Variants in CTNNA3 observed in about 807,000 individuals in gnomAD.
CTNNA3 encodes the protein catenin alpha-3.
CTNNA3 carries 76 observed loss-of-function variants against 95.7 expected under a neutral mutation model. The observed-to-expected ratio is 0.79, with a 90% CI of 0.66 to 0.96. The LOEUF (loss-of-function observed/expected upper bound fraction) is 0.96, where lower values mean the gene tolerates loss of function less well. Ranked by LOEUF, CTNNA3 falls within the 40% of genes least tolerant of loss-of-function variation. The pLI, the probability that CTNNA3 is intolerant of heterozygous loss-of-function variation, is 0.00. For missense variants in CTNNA3, 1,191 were observed against 1,089.8 expected (o/e 1.09, Z -1.31); for synonymous variants, 431 against 374.4 (o/e 1.15, Z -1.74).
chr10:66,469,041 G>C (rs544861291), intron 11 of CTNNA3, among the ~76,000 whole-genome samples: 1 of 151,656 alleles, frequency 6.6e-6, no homozygotes, highest in Non-Finnish European at 1.5e-5. Context: ...TAAAAACCTG[G>C]ATCCAATGCA....
chr10:66,508,589 A>T (rs996099230), intron 11 of CTNNA3, among the ~76,000 whole-genome samples: 24 of 151,980 alleles, frequency 1.6e-4, no homozygotes, highest in Admixed American at 6.6e-4. Flanking sequence ...TACTACTTTA[A>T]CTGTGGCTAT....
intron 15 of CTNNA3, among the ~76,000 whole-genome samples, chr10:66,064,462 C>T (rs2080273540): frequency 6.6e-6 from 1 of 152,092 alleles, no homozygotes; most frequent in African/African-American, 2.4e-5. Flanking sequence ...TTCATGGTGG[C>T]ATTTCTGATT....
chr10:66,398,727 A>T (rs1435622650), intron 11 of CTNNA3, among the ~76,000 whole-genome samples: 1 of 152,022 alleles, frequency 6.6e-6, no homozygotes, highest in Non-Finnish European at 1.5e-5. Context: ...TCTTTTACTC[A>T]ATTCAAGATC....
intron 11 of CTNNA3, among the ~76,000 whole-genome samples, chr10:66,438,543 C>G (rs777184488): frequency 6.6e-6 from 1 of 152,124 alleles, no homozygotes; most frequent in South Asian, 2.1e-4. Flanking sequence ...GTGGATGCCT[C>G]TCACCCACAC....
intron 7 of CTNNA3, among the ~76,000 whole-genome samples, chr10:67,135,733 A>T (rs1860269794): frequency 6.6e-6 from 1 of 152,148 alleles, no homozygotes; most frequent in African/African-American, 2.4e-5. Context: ...TAAGATGATC[A>T]TATATGCCCT....
Position 65,920,332 on chromosome 10 carries a change from A to C in CTNNA3, c.2686T>G (p.Ter896GlyextTer39). 1 of 1,612,922 alleles carries C rather than the reference A, an allele frequency of 6.2e-7. No individual in the cohort carries two copies. The highest frequency in any genetic ancestry group is 8.5e-7 in the Non-Finnish European group (1 of 1,179,480). ...MSEFRGRQIY* is the reference protein window; with the variant it reads ...MSEFRGRQIYG ...GCACTATATGTAGAATAGTGGTTTC[A>C]GTAGATTTGTCTTCCTCTAAATTCA... The change falls in exon 18 of 18, where the codon TGA becomes GGA. Residue 896 changes from the stop codon to glycine, a stop_lost. Coordinates refer to ENST00000433211, the MANE Select transcript of CTNNA3 (RefSeq NM_013266.4).
intron 5 of CTNNA3, among the ~76,000 whole-genome samples, chr10:67,458,833 T>A (rs1323139718): frequency 6.6e-6 from 1 of 152,178 alleles, no homozygotes; most frequent in East Asian, 1.9e-4. Flanking sequence ...ACCAGGTTCC[T>A]CGCTTAACAT....
chr10:67,432,894 A>C lies in CTNNA3; in HGVS notation c.579+88948T>G, dbSNP rs749169421. On this transcript the variant is annotated intron_variant, in intron 5 of 17. Coordinates refer to ENST00000433211, the MANE Select transcript of CTNNA3 (RefSeq NM_013266.4). ...TGATTTTGGCATCAGGGTGATGCTG[A>C]CTTTATAGACTGATTTGGGGAGTTT... 4.7e-4 allele frequency among the ~76,000 whole-genome samples: 72 copies of C among 151,980 alleles called. 1 individual carries two copies. The highest frequency in any genetic ancestry group is 1.3e-4 in the Admixed American group (2 of 15,214).
At chr10:66,625,279 T>G (rs1357673074) in intron 9 of CTNNA3, among the ~76,000 whole-genome samples, 1 of 152,176 alleles carries the variant, frequency 6.6e-6, no homozygotes, top group Non-Finnish European at 1.5e-5. Context: ...TTGCCCTATT[T>G]GGGCTCTAAA....
At chr10:66,627,695 G>T (rs1844987239) in intron 9 of CTNNA3, among the ~76,000 whole-genome samples, 1 of 152,040 alleles carries the variant, frequency 6.6e-6, no homozygotes, top group Admixed American at 6.6e-5. Flanking sequence ...CAGCCTGCAT[G>T]TCCTAGTGTT....
chr10:66,998,039 C>G (rs558328549), intron 7 of CTNNA3, among the ~76,000 whole-genome samples: 1 of 152,298 alleles, frequency 6.6e-6, no homozygotes, highest in African/African-American at 2.4e-5. Flanking sequence ...GTTTCATCCC[C>G]TCATTTCTCC....
chr10:66,076,506 T>A (rs868742845), intron 14 of CTNNA3, among the ~76,000 whole-genome samples: 6 of 151,778 alleles, frequency 4.0e-5, no homozygotes, highest in African/African-American at 1.2e-4. Context: ...TTTCTACATT[T>A]TTATGTATAG....
At chr10:67,150,276 C>G (rs529752913) in intron 7 of CTNNA3, among the ~76,000 whole-genome samples, 13 of 152,038 alleles carry the variant, frequency 8.6e-5, no homozygotes, top group Non-Finnish European at 1.5e-4. Flanking sequence ...ATATAAGGTA[C>G]TTCAATATCT....
intron 11 of CTNNA3, among the ~76,000 whole-genome samples, chr10:66,391,963 C>A (rs1252854783): frequency 6.6e-6 from 1 of 151,806 alleles, no homozygotes; most frequent in Non-Finnish European, 1.5e-5. Context: ...ATTTAAAATG[C>A]AGTACTACAA....
chr10:66,980,565 T>TTCTGTTTCCCAAGCAAAAATCAG (rs1564809959), intron 7 of CTNNA3, among the ~76,000 whole-genome samples: 2 of 152,094 alleles, frequency 1.3e-5, no homozygotes, highest in African/African-American at 2.4e-5. Context: ...GAGACCTTCC[T>TTCTGTTTCCCAAGCAAAAATCAG]ACCCACCTGT....
chr10:66,708,798 T>G (rs1848202201), intron 9 of CTNNA3, among the ~76,000 whole-genome samples: 1 of 152,160 alleles, frequency 6.6e-6, no homozygotes, highest in African/African-American at 2.4e-5. Context: ...TTTCACTGAC[T>G]AGTCTCAGCC....
intron 5 of CTNNA3, among the ~76,000 whole-genome samples, chr10:67,298,763 T>C (rs1008991100): frequency 1.3e-5 from 2 of 152,194 alleles, no homozygotes; most frequent in South Asian, 2.1e-4. Flanking sequence ...TGCTAGTTAG[T>C]TCCCATAAAT....
intron 12 of CTNNA3, among the ~76,000 whole-genome samples, chr10:66,376,663 TAA>T (rs1450169361): frequency 6.6e-6 from 1 of 152,138 alleles, no homozygotes; most frequent in Non-Finnish European, 1.5e-5. Context: ...GTCTTGGTAA[TAA>T]ACAACAATTC....
In CTNNA3 at chr10:67,486,749, A is replaced by G. The variant is rs540938600; in HGVS notation, c.579+35093T>C. On this transcript the variant is annotated intron_variant, in intron 5 of 17. Transcript: ENST00000433211. ...GCTTTGTCCTCTGATTTTGTTCTACATTTGTGGAAATAGATAATAGCCATT... is the reference window on the plus strand; with the variant it reads ...GCTTTGTCCTCTGATTTTGTTCTACGTTTGTGGAAATAGATAATAGCCATT... Among the ~76,000 whole-genome samples, 25 of 152,326 alleles carry G rather than the reference A, an allele frequency of 1.6e-4. No individual in the cohort carries two copies. The South Asian group carries it at 5.0e-3, about 30-fold the overall frequency.
Sources: gnomAD v4.1 joint callset for allele counts (sites outside exome capture counted in the v4.1 genomes callset) on GRCh38, gnomAD v4.1.1 for gene constraint, MANE v1.5 for transcripts, NCBI Gene and HGNC (gene_info 2026-07-23, HGNC 2026-07-21) for gene names.